USP20: variants seen among roughly 807,000 people sequenced by gnomAD.
USP20 encodes ubiquitin specific peptidase 20.
Under a neutral mutation model 124.2 loss-of-function variants are expected in USP20, and 80 were observed. That is an observed-to-expected ratio of 0.64 (90% CI 0.54 to 0.78). The LOEUF (loss-of-function observed/expected upper bound fraction) is 0.78, where lower values mean the gene tolerates loss of function less well. Among genes scored for constraint, USP20 ranks in the 30% least tolerant of loss-of-function variants. The pLI is 0.00. For synonymous variants in USP20, 481 were observed against 512.3 expected, an observed-to-expected ratio of 0.94 and a Z score of 0.83; for missense variants, 1,043 against 1,244.4, an observed-to-expected ratio of 0.84 and a Z score of 2.44.
Position 129,868,173 on chromosome 9 carries a change from G to A in USP20, c.859G>A (p.Asp287Asn). The A allele has an allele frequency of 6.2e-7, 1 of 1,614,114 alleles. No individual in the cohort carries two copies. The highest frequency in any genetic ancestry group is 8.5e-7 in the Non-Finnish European group (1 of 1,179,984). ...SPSEDEFLSC[D>N]SSSDRGEGDG... ...ATCAGAAGATGAGTTCTTGTCCTGT[G>A]ACTCGAGCAGTGACCGGGGTGAGGG... The change falls in exon 11 of 26, where the codon GAC becomes AAC. Residue 287 changes from aspartate (D) to asparagine (N), a missense_variant. Coordinates refer to ENST00000372429, the MANE Select transcript of USP20 (RefSeq NM_001110303.4).
At chr9:129,855,604 G>A (rs2033171547) in intron 3 of USP20, among the ~76,000 whole-genome samples, 1 of 152,186 alleles carries the variant, frequency 6.6e-6, no homozygotes, top group Non-Finnish European at 1.5e-5. Flanking sequence ...AGGAGAAAGA[G>A]CAAGGGTAGC....
chr9:129,878,574 G>A, intron 23 of USP20, 134 bp downstream of exon 23: 3 of 751,322 alleles, frequency 4.0e-6, no homozygotes, highest in Non-Finnish European at 6.5e-6. Context: ...CATCCAGGGT[G>A]AACAGAGAGC....
intron 1 of USP20, among the ~76,000 whole-genome samples, chr9:129,841,867 C>T (rs1398058572): frequency 2.0e-5 from 3 of 152,086 alleles, no homozygotes; most frequent in Non-Finnish European, 2.9e-5. Flanking sequence ...CACCATGGCG[C>T]CTGTTCGTTG....
chr9:129,858,322 G>T (rs2033326344), intron 5 of USP20, 145 bp from the exon 6 acceptor site: 1 of 1,260,082 alleles, frequency 7.9e-7, no homozygotes. Flanking sequence ...GTCCTGACTG[G>T]GGGTGGGTAA....
intron 8 of USP20, among the ~76,000 whole-genome samples, chr9:129,862,957 T>TAAAAC (rs1398243236): frequency 6.6e-6 from 1 of 150,880 alleles, no homozygotes; most frequent in African/African-American, 2.4e-5. Flanking sequence ...TAAGATGAGA[T>TAAAAC]AAAATAAAAA....
rs913826461 is a variant in USP20 at position 129,865,533 on chromosome 9, G to A, written c.690+152G>A. ...GCTCTCACTCCTAAGCCCTTCACACGTGTGAGGACAGTGGAGCCTCCCAGC... is the reference window on the plus strand; with the variant it reads ...GCTCTCACTCCTAAGCCCTTCACACATGTGAGGACAGTGGAGCCTCCCAGC... On this transcript the variant is annotated intron_variant, in intron 10 of 25. Coordinates refer to ENST00000372429, the MANE Select transcript of USP20 (RefSeq NM_001110303.4). 13 of 758,882 alleles carry A rather than the reference G, an allele frequency of 1.7e-5. No individual in the cohort carries two copies. In the Admixed American group the frequency reaches 1.8e-4, roughly 11 times the overall value. The allele number at this position is 758,882 out of a possible 1,614,324, so 47.0% of individuals were successfully genotyped here. A position where few individuals can be genotyped will look rare whatever the true frequency, so the allele number is the denominator to read the frequency against.
chr9:129,861,491 C>T, intron 7 of USP20, 52 bp from the exon 8 acceptor site: 1 of 1,567,182 alleles, frequency 6.4e-7, no homozygotes, highest in Non-Finnish European at 8.8e-7. Flanking sequence ...GCAAGGTTTC[C>T]TCGGTGGGGC....
At chr9:129,867,414 C>T (rs566494482) in intron 10 of USP20, among the ~76,000 whole-genome samples, 1 of 152,208 alleles carries the variant, frequency 6.6e-6, no homozygotes, top group South Asian at 2.1e-4. Context: ...GAGTCATGAC[C>T]AGGTCTGTGG....
In USP20 at chr9:129,869,495, G is replaced by A. The variant is rs1588279162; in HGVS notation, c.1392+70G>A. On this transcript the variant is annotated intron_variant, in intron 13 of 25. Transcript: ENST00000372429. ...GCCTCAGCAGCTCTTGCCCTGACTG[G>A]GTGCAGGGTGGGCTCTCCACGGGTG... 4 of 1,553,904 alleles carry A rather than the reference G, an allele frequency of 2.6e-6. No individual in the cohort carries two copies. The South Asian group carries it at 3.4e-5, about 13-fold the overall frequency.
chr9:129,871,889 G>A (rs1436134586), intron 15 of USP20, among the ~76,000 whole-genome samples: 2 of 151,888 alleles, frequency 1.3e-5, no homozygotes, highest in African/African-American at 2.4e-5. Flanking sequence ...GCTAATTTTT[G>A]TATTTTTAGT....
intron 1 of USP20, among the ~76,000 whole-genome samples, chr9:129,842,641 T>C (rs931620450): frequency 6.6e-6 from 1 of 151,474 alleles, no homozygotes; most frequent in Admixed American, 6.6e-5. Flanking sequence ...TTGCCCAGGC[T>C]GGAGTGCAAT....
At chr9:129,844,611 G>A (rs567759927) in intron 1 of USP20, among the ~76,000 whole-genome samples, 59 of 130,680 alleles carry the variant, frequency 4.5e-4, no homozygotes, top group African/African-American at 1.5e-3. Context: ...GTGACAGAGC[G>A]CGACTCTGTC....
chr9:129,865,195 A>T, intron 9 of USP20, 108 bp from the exon 10 acceptor site: 1 of 1,192,558 alleles, frequency 8.4e-7, no homozygotes, highest in Non-Finnish European at 1.2e-6. Flanking sequence ...CCCAAATGTC[A>T]GGAAACGCCA....
intron 10 of USP20, among the ~76,000 whole-genome samples, chr9:129,867,524 T>C (rs2033877392): frequency 6.6e-6 from 1 of 152,038 alleles, no homozygotes; most frequent in Non-Finnish European, 1.5e-5. Flanking sequence ...CAGTCTGGCC[T>C]GTGGGTAGCG....
chr9:129,878,220 G>T, intron 22 of USP20, 118 bp from the exon 23 acceptor site: 1 of 772,156 alleles, frequency 1.3e-6, no homozygotes, highest in Non-Finnish European at 2.2e-6. Context: ...TGAGTATCTG[G>T]TGTTTTTGTA....
intron 1 of USP20, among the ~76,000 whole-genome samples, chr9:129,845,570 G>T (rs2032491007): frequency 6.6e-6 from 1 of 152,130 alleles, no homozygotes; most frequent in Non-Finnish European, 1.5e-5. Flanking sequence ...TTCTTGCTCT[G>T]TTGCCCAGGC....
chr9:129,861,148 G>A, intron 7 of USP20, 115 bp downstream of exon 7: 1 of 998,396 alleles, frequency 1.0e-6, no homozygotes. Flanking sequence ...GGCAAGGAAG[G>A]ATGGGGTGAC....
At position 129,875,296 on chromosome 9, in the gene USP20, T is replaced by C; in HGVS notation, c.2049-14T>C. On this transcript the variant is annotated splice_polypyrimidine_tract_variant and intron_variant, in intron 19 of 25. Coordinates refer to ENST00000372429, the MANE Select transcript of USP20 (RefSeq NM_001110303.4). ...CCGTCAGGCACAGCTTCTCGCCCCCTCCTCACCCCACAGGAAGAGCAGCGA... is the reference window on the plus strand; with the variant it reads ...CCGTCAGGCACAGCTTCTCGCCCCCCCCTCACCCCACAGGAAGAGCAGCGA... 2 of 1,593,654 alleles carry C rather than the reference T, an allele frequency of 1.3e-6. No individual in the cohort carries two copies. Among genetic ancestry groups the C allele is most frequent in the Non-Finnish European group, 1.7e-6 (2 of 1,168,276 alleles).
chr9:129,851,258 C>CTTTT (rs35791819), intron 2 of USP20, among the ~76,000 whole-genome samples: 2,165 of 126,172 alleles, frequency 0.017, 53 homozygotes, highest in Middle Eastern at 0.052. Flanking sequence ...ATAACACATA[C>CTTTT]TTTTTTTTTT....
Sources: gnomAD v4.1 joint callset for allele counts (sites outside exome capture counted in the v4.1 genomes callset) on GRCh38, gnomAD v4.1.1 for gene constraint, MANE v1.5 for transcripts, NCBI Gene and HGNC (gene_info 2026-07-23, HGNC 2026-07-21) for gene names.